The following ZDHHC18 variants were observed in gnomAD, a reference collection of about 807,000 sequenced individuals.
ZDHHC18 encodes the protein zDHHC palmitoyltransferase 18, also known as palmitoyltransferase ZDHHC18.
ZDHHC18 carries 23 observed loss-of-function variants against 37.5 expected under a neutral mutation model. The ratio of observed to expected loss-of-function variants is 0.61; its 90% confidence interval spans 0.44 to 0.87. The LOEUF is 0.87. Ranked by LOEUF, ZDHHC18 falls within the 40% of genes least tolerant of loss-of-function variation. The pLI, the probability that ZDHHC18 is intolerant of heterozygous loss-of-function variation, is 0.00. For missense variants in ZDHHC18, 406 were observed against 525.6 expected (o/e 0.77, Z 2.22); for synonymous variants, 185 against 218.7 (o/e 0.85, Z 1.36).
chr1:26,853,802 A>G lies in ZDHHC18; in HGVS notation c.1126A>G (p.Arg376Gly). 1 of 1,614,108 alleles carries G rather than the reference A, an allele frequency of 6.2e-7. No homozygotes were observed. The highest frequency in any genetic ancestry group is 1.7e-5 in the Admixed American group (1 of 60,028). The change falls in exon 8 of 8, where the codon AGA (arginine) becomes GGA (glycine). Residue 376 changes from arginine (R) to glycine (G), a missense_variant. Transcript: ENST00000374142. ...CATCAGAAGCGATGAGCCAGCCTGC[A>G]GAGCCAAGCCTGATGCCAGCATGGT... ...SPIRSDEPAC[R>G]AKPDASMVGG... is the part of the protein sequence containing the mutation.
At chr1:26,844,663 T>G (rs927690952) in intron 2 of ZDHHC18, among the ~76,000 whole-genome samples, 3 of 152,238 alleles carry the variant, frequency 2.0e-5, no homozygotes, top group African/African-American at 7.2e-5. Context: ...GATTTCTAGT[T>G]GCTCTACTTT....
chr1:26,843,007 G>A (rs2081646124), intron 2 of ZDHHC18, among the ~76,000 whole-genome samples: 1 of 152,192 alleles, frequency 6.6e-6, no homozygotes, highest in Admixed American at 6.5e-5. Context: ...TGTGCCCTGG[G>A]GTACCCAGAG....
At position 26,840,787 on chromosome 1, in the gene ZDHHC18, C is replaced by T. The variant is rs114185648; in HGVS notation, c.497-7821C>T. 6.1e-3 allele frequency among the ~76,000 whole-genome samples: 936 copies of T among 152,270 alleles called. 4 individuals carry two copies. Among genetic ancestry groups the T allele is most frequent in the African/African-American group, 0.021 (879 of 41,556 alleles). Reference sequence around the variant, plus strand: ...TATTTTTTAGAGACACAGCCTCGCTCTGTCACCCAGGCTGGAATGCAGTGG... The same window carrying T: ...TATTTTTTAGAGACACAGCCTCGCTTTGTCACCCAGGCTGGAATGCAGTGG... On this transcript the variant is annotated intron_variant, in intron 2 of 7. Transcript: ENST00000374142.
In ZDHHC18 at chr1:26,842,133, C is replaced by CA. The variant is rs958757844; in HGVS notation, c.497-6458dup. On this transcript the variant is annotated intron_variant, in intron 2 of 7. Coordinates refer to ENST00000374142, the MANE Select transcript of ZDHHC18 (RefSeq NM_032283.3). ...TGGGCAACAGAGCGAGACTCCATCT[C>CA]AAAAAAAAAAAAAAAAAGAGAGAGA... Among the ~76,000 whole-genome samples, 334 of 99,934 alleles carry CA rather than the reference C, an allele frequency of 3.3e-3. 1 individual carries two copies. Among genetic ancestry groups the CA allele is most frequent in the East Asian group, 0.033 (99 of 3,000 alleles). The allele number at this position is 99,934 out of a possible 152,430, so 65.6% of individuals were successfully genotyped here. A position where few individuals can be genotyped will look rare whatever the true frequency, so the allele number is the denominator to read the frequency against.
At position 26,856,354 on chromosome 1, in the gene ZDHHC18, C is replaced by T. The variant is rs189632833; in HGVS notation, c.*2511C>T. The T allele has an allele frequency of 1.3e-5, 5 of 378,194 alleles. No homozygotes were observed. The highest frequency in any genetic ancestry group is 2.8e-5 in the Non-Finnish European group (5 of 175,460). 23.4% of individuals were successfully genotyped at this position (378,194 alleles called of 1,614,324 possible). On this transcript the variant is annotated 3_prime_UTR_variant, in exon 8 of 8. Coordinates refer to ENST00000374142, the MANE Select transcript of ZDHHC18 (RefSeq NM_032283.3). This position sits in a 1 kb window ranked among gnomAD's most constrained non-coding sequence, Gnocchi z 5.2. ...GCATGCCTCGCCAACCCCATGGAGC[C>T]CGTCCATCTGTCTGGTGTGTGGTGC...
chr1:26,840,590 C>G (rs149812216), intron 2 of ZDHHC18, among the ~76,000 whole-genome samples: 4 of 151,002 alleles, frequency 2.6e-5, no homozygotes, highest in Non-Finnish European at 5.9e-5. Flanking sequence ...TACAGGCATG[C>G]GCCACCATGC....
In ZDHHC18 at chr1:26,850,666, T is replaced by C; in HGVS notation, c.833+60T>C. On this transcript the variant is annotated intron_variant, in intron 5 of 7. Transcript: ENST00000374142. The surrounding 1 kb of genome is among the most constrained non-coding windows in gnomAD (Gnocchi z 6.1). ...AACTGAGGTCCCTTCACTGGGTGGGTGCCCTGCCTCATCCTCTAATCAGAA... is the reference window on the plus strand; with the variant it reads ...AACTGAGGTCCCTTCACTGGGTGGGCGCCCTGCCTCATCCTCTAATCAGAA... 6.3e-7 allele frequency: 1 copy of C among 1,587,076 alleles called. No individual in the cohort carries two copies. The highest frequency in any genetic ancestry group is 8.6e-7 in the Non-Finnish European group (1 of 1,158,346).
Position 26,848,390 on chromosome 1 carries a change from G to T in ZDHHC18, c.497-218G>T, listed in dbSNP as rs772676178. ...AGCCCTTCTTAGAGTGGGTAAGGCC[G>T]GCAGGTGTATGAACAGAGGCAGTCT... On this transcript the variant is annotated intron_variant, in intron 2 of 7. Coordinates refer to ENST00000374142, the MANE Select transcript of ZDHHC18 (RefSeq NM_032283.3). 2.0e-5 allele frequency among the ~76,000 whole-genome samples: 3 copies of T among 152,038 alleles called. No individual in the cohort carries two copies. The South Asian group carries it at 6.3e-4, about 32-fold the overall frequency.
intron 2 of ZDHHC18, among the ~76,000 whole-genome samples, chr1:26,843,738 C>T (rs935621699): frequency 1.3e-4 from 19 of 151,348 alleles, no homozygotes; most frequent in Non-Finnish European, 2.7e-4. Flanking sequence ...TGCAGTGAGC[C>T]GACATCATGC....
At chr1:26,829,519 A>C (rs1329607752) in intron 1 of ZDHHC18, among the ~76,000 whole-genome samples, 1 of 151,860 alleles carries the variant, frequency 6.6e-6, no homozygotes, top group East Asian at 1.9e-4. Flanking sequence ...GTCCATCCGC[A>C]CAGCATAGCA....
At chr1:26,848,889 C>T in intron 3 of ZDHHC18, 132 bp downstream of exon 3, 1 of 1,352,312 alleles carries the variant, frequency 7.4e-7, no homozygotes. Flanking sequence ...GGGTCTGGTT[C>T]ACCCAGATTT....
Position 26,852,843 on chromosome 1 carries a change from C to T in ZDHHC18, c.1027C>T (p.Leu343Phe). 6.2e-7 allele frequency: 1 copy of T among 1,614,016 alleles called. No homozygotes were observed. The highest frequency in any genetic ancestry group is 8.5e-7 in the Non-Finnish European group (1 of 1,179,926). The change falls in exon 7 of 8, where the codon CTC (leucine) becomes TTC (phenylalanine). Residue 343 changes from leucine (L) to phenylalanine (F), a missense_variant. Transcript: ENST00000374142. ...KSIITNCCAV[L>F]CGPLPPSLID... ...TATTATCACCAACTGCTGTGCTGTG[C>T]TCTGTGGCCCCCTACCTCCCAGGTA...
intron 2 of ZDHHC18, among the ~76,000 whole-genome samples, chr1:26,833,256 G>T (rs1239626627): frequency 6.6e-6 from 1 of 152,194 alleles, no homozygotes; most frequent in Non-Finnish European, 1.5e-5. Context: ...AGGGAAGGAG[G>T]ATGAAGGCTA....
chr1:26,847,052 C>A (rs1307226896), intron 2 of ZDHHC18, among the ~76,000 whole-genome samples: 2 of 151,734 alleles, frequency 1.3e-5, no homozygotes, highest in Non-Finnish European at 2.9e-5. Context: ...CACGCCACCA[C>A]AACCGGTTAA....
chr1:26,850,272 C>G lies in ZDHHC18; in HGVS notation c.647-29C>G. On this transcript the variant is annotated intron_variant, in intron 3 of 7. Coordinates refer to ENST00000374142, the MANE Select transcript of ZDHHC18 (RefSeq NM_032283.3). This position sits in a 1 kb window ranked among gnomAD's most constrained non-coding sequence, Gnocchi z 6.1. Reference sequence around the variant, plus strand: ...TGTGCTGGCTGCAGGCCAGCCCACACTAACCCATCGCCCCTTGCCCTTGTC... The same window carrying G: ...TGTGCTGGCTGCAGGCCAGCCCACAGTAACCCATCGCCCCTTGCCCTTGTC... The G allele has an allele frequency of 1.2e-6, 2 of 1,611,136 alleles. No individual in the cohort carries two copies. The highest frequency in any genetic ancestry group is 2.2e-5 in the South Asian group (2 of 90,702).
At chr1:26,846,137 T>G (rs57157517) in intron 2 of ZDHHC18, among the ~76,000 whole-genome samples, 2 of 149,122 alleles carry the variant, frequency 1.3e-5, no homozygotes, top group Admixed American at 6.8e-5. Context: ...TGTGTATATA[T>G]ATGTGTGTAT....
intron 2 of ZDHHC18, among the ~76,000 whole-genome samples, 163 bp downstream of exon 2, chr1:26,832,770 C>G (rs900595759): frequency 6.6e-6 from 1 of 152,204 alleles, no homozygotes; most frequent in Non-Finnish European, 1.5e-5. Flanking sequence ...GACAGATGAT[C>G]AACAAGTGAG....
At chr1:26,828,917 G>A (rs1003969994) in intron 1 of ZDHHC18, among the ~76,000 whole-genome samples, 2 of 152,160 alleles carry the variant, frequency 1.3e-5, no homozygotes, top group East Asian at 1.9e-4. Flanking sequence ...AGTACTTGCC[G>A]TGGTTGACCC....
intron 2 of ZDHHC18, among the ~76,000 whole-genome samples, chr1:26,839,562 T>A (rs2081628290): frequency 6.6e-6 from 1 of 152,036 alleles, no homozygotes; most frequent in Non-Finnish European, 1.5e-5. Flanking sequence ...AAGACAAGGG[T>A]CCTAGTTTCA....
Sources: allele counts gnomAD v4.1 joint callset (sites outside exome capture counted in the v4.1 genomes callset), GRCh38; gene constraint gnomAD v4.1.1; non-coding constraint Gnocchi (gnomAD v3.1); transcripts MANE v1.5; gene names NCBI Gene and HGNC (gene_info 2026-07-23, HGNC 2026-07-21).